DACH2: variants seen among roughly 807,000 people sequenced by gnomAD.
DACH2 encodes the protein dachshund homolog 2.
DACH2 carries 17 observed loss-of-function variants against 35.8 expected under a neutral mutation model. The ratio of observed to expected loss-of-function variants is 0.48; its 90% CI spans 0.33 to 0.71. DACH2 has a LOEUF of 0.71. Ranked by LOEUF, DACH2 falls within the 30% of genes least tolerant of loss-of-function variation. DACH2 has a pLI of 0.02. For synonymous variants in DACH2, 195 were observed against 177.3 expected, an observed-to-expected ratio of 1.10 and a Z score of -0.79; for missense variants, 469 against 472.7, an observed-to-expected ratio of 0.99 and a Z score of 0.07.
chrX:86,372,747 T>C (rs1223338970), intron 1 of DACH2, among the ~76,000 whole-genome samples: 3 of 110,973 alleles, frequency 2.7e-5, no homozygotes, highest in Non-Finnish European at 5.7e-5. Context: ...TGCTGAGGTT[T>C]GAGGTGTGAA....
chrX:86,785,196 T>C (rs1293519546), intron 7 of DACH2, among the ~76,000 whole-genome samples: 1 of 111,683 alleles, frequency 9.0e-6, no homozygotes, highest in African/African-American at 3.3e-5. Flanking sequence ...GAGATGATCA[T>C]GCAAATTTTG....
intron 2 of DACH2, among the ~76,000 whole-genome samples, chrX:86,464,618 A>G (rs1220763831): frequency 1.8e-5 from 2 of 111,422 alleles, no homozygotes; most frequent in African/African-American, 3.3e-5. Flanking sequence ...GCAAACCACC[A>G]TGGCACACGT....
intron 7 of DACH2, among the ~76,000 whole-genome samples, chrX:86,767,236 A>G (rs1363896891): frequency 8.9e-6 from 1 of 111,986 alleles, no homozygotes; most frequent in Non-Finnish European, 1.9e-5. Context: ...CATGGGCTTC[A>G]TAAGGTGTAA....
At chrX:86,397,559 C>T (rs945736669) in intron 2 of DACH2, among the ~76,000 whole-genome samples, 1 of 111,305 alleles carries the variant, frequency 9.0e-6, no homozygotes, top group African/African-American at 3.3e-5. Context: ...TTTTGAGATA[C>T]GTCCCATCAA....
chrX:86,423,230 T>G lies in DACH2; in HGVS notation c.527+46368T>G, dbSNP rs750874217. 2.7e-5 allele frequency among the ~76,000 whole-genome samples: 3 copies of G among 111,288 alleles called. No homozygotes were observed. In the South Asian group the frequency reaches 1.1e-3, roughly 42 times the overall value. ...AATATGGTAGCTCAATCTGTAGTTT[T>G]GAGGAACCTCCAAACTGTTCTCCAC... On this transcript the variant is annotated intron_variant, in intron 2 of 11. Coordinates refer to ENST00000373125, the MANE Select transcript of DACH2 (RefSeq NM_053281.3).
chrX:86,726,831 G>T (rs1461051003), intron 6 of DACH2, among the ~76,000 whole-genome samples: 9 of 111,767 alleles, frequency 8.1e-5, no homozygotes, highest in Non-Finnish European at 1.9e-5. Flanking sequence ...CCCATGTCCA[G>T]GAGCTTTTCT....
chrX:86,280,777 G>A (rs1270909648), intron 1 of DACH2, among the ~76,000 whole-genome samples: 3 of 111,533 alleles, frequency 2.7e-5, no homozygotes, highest in Non-Finnish European at 5.7e-5. Flanking sequence ...CAAATGGAAA[G>A]CACAAATAGC....
intron 1 of DACH2, among the ~76,000 whole-genome samples, chrX:86,265,300 G>A: frequency 9.0e-6 from 1 of 111,515 alleles, no homozygotes; most frequent in South Asian, 3.7e-4. Context: ...ACTTCCAATA[G>A]TACACATTAT....
chrX:86,724,843 A>C (rs1197476377), intron 6 of DACH2, among the ~76,000 whole-genome samples: 1 of 110,594 alleles, frequency 9.0e-6, no homozygotes, highest in Non-Finnish European at 1.9e-5. Flanking sequence ...TGGTTGCTTT[A>C]TGTACTTCAA....
At chrX:86,333,285 C>A (rs1429352285) in intron 1 of DACH2, among the ~76,000 whole-genome samples, 2 of 111,740 alleles carry the variant, frequency 1.8e-5, no homozygotes, top group Non-Finnish European at 3.8e-5. Context: ...ATTTAAAAAT[C>A]ATGCACACTT....
chrX:86,483,894 A>G (rs971236752), intron 2 of DACH2, among the ~76,000 whole-genome samples: 2 of 111,070 alleles, frequency 1.8e-5, no homozygotes, highest in Non-Finnish European at 3.8e-5. Flanking sequence ...AAAGCTTTCA[A>G]AGTGTTCTGA....
At chrX:86,222,955 A>C (rs2032746659) in intron 1 of DACH2, among the ~76,000 whole-genome samples, 1 of 111,698 alleles carries the variant, frequency 9.0e-6, no homozygotes, top group South Asian at 3.8e-4. Context: ...GTACAATAAA[A>C]AGGAGTATGT....
chrX:86,668,534 G>A (rs1286802498), intron 4 of DACH2, among the ~76,000 whole-genome samples: 1 of 111,526 alleles, frequency 9.0e-6, no homozygotes, highest in African/African-American at 3.3e-5. Flanking sequence ...AATGTATTTT[G>A]TTTAATGACT....
chrX:86,799,156 T>A (rs2042267425), intron 7 of DACH2: 2 of 308,202 alleles, frequency 6.5e-6, no homozygotes, highest in Non-Finnish European at 1.2e-5. Context: ...ACCCTGGAAC[T>A]CTTGGTTCTC....
In DACH2 at chrX:86,337,010, G is replaced by A. The variant is rs1053860290; in HGVS notation, c.489-39814G>A. On this transcript the variant is annotated intron_variant, in intron 1 of 11. Transcript: ENST00000373125. ...AGATCAACTTAATGAAATAAAGTGA[G>A]AAGACAAGATTAGAGAAAAAAGAAT... Among the ~76,000 whole-genome samples the A allele has an allele frequency of 4.6e-5, 5 of 109,068 alleles. 1 individual carries two copies. Among genetic ancestry groups the A allele is most frequent in the Non-Finnish European group, 7.6e-5 (4 of 52,644 alleles). The allele number at this position is 109,068 out of a possible 115,157, so 94.7% of individuals were successfully genotyped here.
At chrX:86,655,232 G>A (rs2040526114) in intron 4 of DACH2, among the ~76,000 whole-genome samples, 1 of 111,848 alleles carries the variant, frequency 8.9e-6, no homozygotes, top group African/African-American at 3.2e-5. Context: ...CCAAAGGACA[G>A]CTAGATCTTG....
chrX:86,321,666 A>T (rs1302054256), intron 1 of DACH2, among the ~76,000 whole-genome samples: 3 of 110,815 alleles, frequency 2.7e-5, no homozygotes, highest in Non-Finnish European at 5.7e-5. Context: ...TTTTTGTTCT[A>T]CTATAAAGAT....
intron 1 of DACH2, among the ~76,000 whole-genome samples, chrX:86,332,541 T>C (rs1213532170): frequency 9.0e-6 from 1 of 111,721 alleles, no homozygotes; most frequent in Non-Finnish European, 1.9e-5. Context: ...TCAATTTTTA[T>C]TTTTGTATGT....
chrX:86,612,248 T>C (rs2039954867), intron 3 of DACH2, among the ~76,000 whole-genome samples: 1 of 106,486 alleles, frequency 9.4e-6, no homozygotes. Flanking sequence ...ACAGATTCCT[T>C]TTTACTCTTC....
Sources: gnomAD v4.1 joint callset for allele counts (sites outside exome capture counted in the v4.1 genomes callset) on GRCh38, gnomAD v4.1.1 for gene constraint, MANE v1.5 for transcripts, NCBI Gene and HGNC (gene_info 2026-07-23, HGNC 2026-07-21) for gene names.